The following KCNK12 variants were observed in gnomAD, a reference collection of about 807,000 sequenced individuals.
KCNK12 encodes the protein potassium channel subfamily K member 12.
KCNK12 carries 6 observed loss-of-function variants against 25.3 expected under a neutral mutation model. The ratio of observed to expected loss-of-function variants is 0.24; its 90% CI spans 0.13 to 0.47. The LOEUF is 0.47. Among genes scored for constraint, KCNK12 ranks in the 20% least tolerant of loss-of-function variants. KCNK12 has a pLI of 0.99. For synonymous variants in KCNK12, 331 were observed against 311.1 expected, an observed-to-expected ratio of 1.06 and a Z score of -0.67; for missense variants, 444 against 661.7, an observed-to-expected ratio of 0.67 and a Z score of 3.61.
rs890723381 is a variant in KCNK12, at chr2:47,510,881, AGCCTAGT to A, written c.*10019_*10025del. ...AGTACAGCTGGGTGAAGCACAGAGC[AGCCTAGT>A]GCTTGGCATGGGACTCAGATCTGAA... is the stretch of plus-strand genomic sequence containing the variant. On this transcript the variant is annotated 3_prime_UTR_variant, in exon 2 of 2. Transcript: ENST00000327876. The A allele has an allele frequency of 6.6e-6, 1 of 152,236 alleles. No individual in the cohort carries two copies. The highest frequency in any genetic ancestry group is 2.4e-5 in the African/African-American group (1 of 41,458). The allele number at this position is 152,236 out of a possible 1,614,324, so 9.4% of individuals were successfully genotyped here.
rs79328326 is a variant in KCNK12 at position 47,546,071 on chromosome 2, G to A, written c.391+23870C>T. On this transcript the variant is annotated intron_variant, in intron 1 of 1. Transcript: ENST00000327876. ...GCTGTAAATGAAGCAAGTGTCATAAGTTCTTCAGTAACACCCTCTCTCTTA... is the reference window on the plus strand; with the variant it reads ...GCTGTAAATGAAGCAAGTGTCATAAATTCTTCAGTAACACCCTCTCTCTTA... Among the ~76,000 whole-genome samples, 215 of 152,320 alleles carry A rather than the reference G, an allele frequency of 1.4e-3. 3 individuals are homozygous for A. The East Asian group carries it at 0.026, about 19-fold the overall frequency.
At chr2:47,549,692 T>C (rs62140885) in intron 1 of KCNK12, among the ~76,000 whole-genome samples, 11,236 of 152,182 alleles carry the variant, frequency 0.074, 855 homozygotes, top group African/African-American at 0.2. Context: ...TCCCAGCACT[T>C]TGGGAGGCCA....
In KCNK12 at chr2:47,509,348, C is replaced by CTT. The variant is rs202083792; in HGVS notation, c.*11557_*11558dup. On this transcript the variant is annotated 3_prime_UTR_variant, in exon 2 of 2. Transcript: ENST00000327876. ...CAGGAAACCTGATTCAGGCCAGGGTCTTGGAAGGTTGTTCAGGATGAGATG... is the reference window on the plus strand; with the variant it reads ...CAGGAAACCTGATTCAGGCCAGGGTCTTTTGGAAGGTTGTTCAGGATGAGATG... Among the ~76,000 whole-genome samples the CTT allele has an allele frequency of 1.3e-5, 2 of 152,190 alleles. No individual in the cohort carries two copies. Among genetic ancestry groups the CTT allele is most frequent in the East Asian group, 3.8e-4 (2 of 5,208 alleles).
chr2:47,536,594 C>T (rs142928749), intron 1 of KCNK12, among the ~76,000 whole-genome samples: 32 of 152,332 alleles, frequency 2.1e-4, no homozygotes, highest in Admixed American at 2.0e-4. Context: ...AGATTGCCCA[C>T]AGACCTCCAG....
chr2:47,535,958 T>C (rs1443824711), intron 1 of KCNK12, among the ~76,000 whole-genome samples: 1 of 152,174 alleles, frequency 6.6e-6, no homozygotes, highest in Middle Eastern at 3.2e-3. Flanking sequence ...ACAACCGGGA[T>C]TGCAACTCAG....
In KCNK12 at chr2:47,550,868, C is replaced by G. The variant is rs187737465; in HGVS notation, c.391+19073G>C. 1.4e-3 allele frequency among the ~76,000 whole-genome samples: 211 copies of G among 152,262 alleles called. 1 individual carries two copies. The highest frequency in any genetic ancestry group is 2.4e-3 in the Non-Finnish European group (160 of 68,022). ...CGGTCCAAATCATCATCATCTCTCA[C>G]CTGGAATATTTCAAAAGCCTGCTAA... is the stretch of plus-strand genomic sequence containing the variant. On this transcript the variant is annotated intron_variant, in intron 1 of 1. Transcript: ENST00000327876.
Position 47,570,169 on chromosome 2 carries a change from T to A in KCNK12, c.163A>T (p.Thr55Ser). 6.7e-7 allele frequency: 1 copy of A among 1,483,468 alleles called. No homozygotes were observed. Among genetic ancestry groups the A allele is most frequent in the African/African-American group, 1.4e-5 (1 of 69,002 alleles). 91.9% of individuals were successfully genotyped at this position (1,483,468 alleles called of 1,614,324 possible). Residue 55 changes from threonine (T) to serine (S), a missense_variant, in exon 1 of 2, where the codon ACA becomes TCA. By Grantham distance (58) the Thr-to-Ser change is moderately conservative. Transcript: ENST00000327876. ...LIGLYLVAGA[T>S]VFSALESPGE... ...GGGCTCTCGAGCGCCGAGAAGACTG[T>A]GGCACCCGCCACCAGGTAGAGGCCG...
intron 1 of KCNK12, among the ~76,000 whole-genome samples, chr2:47,524,012 G>C (rs1243904584): frequency 6.6e-6 from 1 of 152,202 alleles, no homozygotes; most frequent in Admixed American, 6.5e-5. Context: ...TTTCTAGACT[G>C]TCTGAAGGAA....
intron 1 of KCNK12, among the ~76,000 whole-genome samples, chr2:47,542,161 G>A (rs540333825): frequency 1.3e-5 from 2 of 152,362 alleles, no homozygotes; most frequent in East Asian, 3.9e-4. Flanking sequence ...CATCAGGCCT[G>A]CTGGGCTCCT....
In KCNK12 at chr2:47,512,373, GA is replaced by G; in HGVS notation, c.*8533del. 6.2e-7 allele frequency: 1 copy of G among 1,612,202 alleles called. No homozygotes were observed. The highest frequency in any genetic ancestry group is 1.3e-5 in the African/African-American group (1 of 75,040). On this transcript the variant is annotated 3_prime_UTR_variant, in exon 2 of 2. Transcript: ENST00000327876. ...ACATGGAAAAGGAAACTTCGTGGGG[GA>G]AAGAGATCTGCTTGCAGTCGGCCAG...
At chr2:47,532,899 G>A (rs1460330883) in intron 1 of KCNK12, among the ~76,000 whole-genome samples, 2 of 152,244 alleles carry the variant, frequency 1.3e-5, no homozygotes, top group Non-Finnish European at 2.9e-5. Context: ...GAACAGGGAC[G>A]GTGGTTTCAG....
rs1259123958 is a variant in KCNK12, at chr2:47,560,419, T to C, written c.391+9522A>G. On this transcript the variant is annotated intron_variant, in intron 1 of 1. Coordinates refer to ENST00000327876, the MANE Select transcript of KCNK12 (RefSeq NM_022055.2). This position sits in a 1 kb window ranked among gnomAD's most constrained non-coding sequence, Gnocchi z 4.7. ...AGCACAGCACAGCCAAATCCCAGAG[T>C]CCCCAAACTGTGCTTCAGCTCTCAC... 6.6e-6 allele frequency among the ~76,000 whole-genome samples: 1 copy of C among 151,888 alleles called. No homozygotes were observed. The highest frequency in any genetic ancestry group is 2.4e-5 in the African/African-American group (1 of 41,340).
In KCNK12 at chr2:47,556,831, T is replaced by C. The variant is rs1386134908; in HGVS notation, c.391+13110A>G. Among the ~76,000 whole-genome samples, 1 of 152,080 alleles carries C rather than the reference T, an allele frequency of 6.6e-6. No homozygotes were observed. The highest frequency in any genetic ancestry group is 6.5e-5 in the Admixed American group (1 of 15,270). On this transcript the variant is annotated intron_variant, in intron 1 of 1. Coordinates refer to ENST00000327876, the MANE Select transcript of KCNK12 (RefSeq NM_022055.2). This position sits in a 1 kb window ranked among gnomAD's most constrained non-coding sequence, Gnocchi z 4.8. ...ACCCAAACAGGGTGATATCAGAGGA[T>C]GGGAGCTGGAAGCATGGGAGGTGGT...
rs1455370438 is a variant in KCNK12, at chr2:47,511,908, AATGT to A, written c.*8995_*8998del. Reference sequence around the variant, plus strand: ...GGGTTAGTGCAATTGACGAGCTGAAAATGTAGTTTAAATTCACTTACATTTAAAT... The same window carrying A: ...GGGTTAGTGCAATTGACGAGCTGAAAAGTTTAAATTCACTTACATTTAAAT... On this transcript the variant is annotated 3_prime_UTR_variant, in exon 2 of 2. Transcript: ENST00000327876. This position sits in a 1 kb window ranked among gnomAD's most constrained non-coding sequence, Gnocchi z 4.3. Among the ~76,000 whole-genome samples the A allele has an allele frequency of 1.3e-5, 2 of 152,226 alleles. No homozygotes were observed. Among genetic ancestry groups the A allele is most frequent in the Admixed American group, 1.3e-4 (2 of 15,284 alleles).
rs1489297952 is a variant in KCNK12 at position 47,560,200 on chromosome 2, G to A, written c.391+9741C>T. On this transcript the variant is annotated intron_variant, in intron 1 of 1. Coordinates refer to ENST00000327876, the MANE Select transcript of KCNK12 (RefSeq NM_022055.2). The surrounding 1 kb of genome is among the most constrained non-coding windows in gnomAD (Gnocchi z 4.7). ...CCCACTGCAGCTGTTTCCAGTGCAAGGCTGAGGGTTCTCAGGTCTGGGCGG... is the reference window on the plus strand; with the variant it reads ...CCCACTGCAGCTGTTTCCAGTGCAAAGCTGAGGGTTCTCAGGTCTGGGCGG... 2.0e-5 allele frequency among the ~76,000 whole-genome samples: 3 copies of A among 152,194 alleles called. No individual in the cohort carries two copies. The highest frequency in any genetic ancestry group is 2.9e-5 in the Non-Finnish European group (2 of 68,032).
intron 1 of KCNK12, chr2:47,567,149 A>C (rs181984263): frequency 2.0e-5 from 3 of 152,354 alleles, no homozygotes; most frequent in Admixed American, 1.3e-4. Flanking sequence ...ACACATACGT[A>C]TGTCCTTTTG....
chr2:47,569,706 G>A lies in KCNK12; in HGVS notation c.391+235C>T, dbSNP rs1198305728. On this transcript the variant is annotated intron_variant, in intron 1 of 1. Coordinates refer to ENST00000327876, the MANE Select transcript of KCNK12 (RefSeq NM_022055.2). The surrounding 1 kb of genome is among the most constrained non-coding windows in gnomAD (Gnocchi z 4.1). ...GATCACAGAGCCGGCCAGTGTTGGA[G>A]CACAGGCGGCCCGGGGTGAGCGCCA... Among the ~76,000 whole-genome samples, 1 of 152,206 alleles carries A rather than the reference G, an allele frequency of 6.6e-6. No homozygotes were observed. Among genetic ancestry groups the A allele is most frequent in the African/African-American group, 2.4e-5 (1 of 41,440 alleles).
At position 47,521,408 on chromosome 2, in the gene KCNK12, G is replaced by A; in HGVS notation, c.792C>T (p.Ser264=). The A allele has an allele frequency of 1.2e-6, 2 of 1,613,460 alleles. No homozygotes were observed. Among genetic ancestry groups the A allele is most frequent in the Non-Finnish European group, 1.7e-6 (2 of 1,179,808 alleles). ...FSTIGFGDLV[S]SQHAAYRNQG... Reference sequence around the variant, plus strand: ...GGTTCCGGTAGGCGGCGTGCTGGCTGCTCACCAGGTCCCCGAAGCCGATGG... The same window carrying A: ...GGTTCCGGTAGGCGGCGTGCTGGCTACTCACCAGGTCCCCGAAGCCGATGG... Residue 264 remains serine, a synonymous_variant, in exon 2 of 2, where the codon AGC becomes AGT. Coordinates refer to ENST00000327876, the MANE Select transcript of KCNK12 (RefSeq NM_022055.2).
At chr2:47,530,848 T>TC (rs1668905731) in intron 1 of KCNK12, among the ~76,000 whole-genome samples, 1 of 152,064 alleles carries the variant, frequency 6.6e-6, no homozygotes, top group Non-Finnish European at 1.5e-5. Flanking sequence ...GTAAACTGAG[T>TC]TGCATTTAAC....
Sources: allele counts gnomAD v4.1 joint callset (sites outside exome capture counted in the v4.1 genomes callset), GRCh38; gene constraint gnomAD v4.1.1; non-coding constraint Gnocchi (gnomAD v3.1); transcripts MANE v1.5; gene names NCBI Gene and HGNC (gene_info 2026-07-23, HGNC 2026-07-21).